Variants in SLC4A1 observed in about 807,000 individuals in gnomAD.
The protein encoded by SLC4A1 is band 3 anion transport protein.
Under a neutral mutation model 93.1 loss-of-function variants are expected in SLC4A1, and 29 were observed. That is an observed-to-expected ratio of 0.31 (90% CI 0.23 to 0.42). The LOEUF (loss-of-function observed/expected upper bound fraction) is 0.42, where lower values mean the gene tolerates loss of function less well. SLC4A1 is among the 20% of genes least tolerant of loss of function. The pLI is 1.00. For missense variants in SLC4A1, 965 were observed against 1,190.1 expected (o/e 0.81, Z 2.78); for synonymous variants, 469 against 497.2 (o/e 0.94, Z 0.76).
rs1567833178 is a variant in SLC4A1, at chr17:44,258,630, G to GC, written c.877-8dup. The GC allele has an allele frequency of 3.2e-6, 5 of 1,580,110 alleles. No homozygotes were observed. The stretch of plus-strand genomic sequence containing the variant: ...AGGCATCTATGCGGAACACCTAGGG[G>GC]CAGGAGACAGGGTCAGAGCTGCCCG... On this transcript the variant is annotated splice_polypyrimidine_tract_variant and splice_region_variant and intron_variant, in intron 9 of 19. Coordinates refer to ENST00000262418, the MANE Select transcript of SLC4A1 (RefSeq NM_000342.4). This position sits in a 1 kb window ranked among gnomAD's most constrained non-coding sequence, Gnocchi z 6.1.
chr17:44,251,257 T>G lies in SLC4A1; in HGVS notation c.2557A>C (p.Thr853Pro). 1 of 1,614,190 alleles carries G rather than the reference T, an allele frequency of 6.2e-7. No individual in the cohort carries two copies. Among genetic ancestry groups the G allele is most frequent in the Non-Finnish European group, 8.5e-7 (1 of 1,180,030 alleles). The stretch of plus-strand genomic sequence containing the variant: ...AAGGGCAGGGCCAGGGAGGCCGGCG[T>G]GGACTTCACCACCCACAGCACTGCC... ...CLAVLWVVKS[T>P]PASLALPFVL... The change falls in exon 19 of 20, where the codon ACG becomes CCG. Residue 853 changes from threonine to proline, a missense_variant. Transcript: ENST00000262418.
At chr17:44,261,718 C>T (rs2047446803) in intron 3 of SLC4A1, 82 bp from the exon 4 acceptor site, 6 of 1,611,948 alleles carry the variant, frequency 3.7e-6, no homozygotes, top group Non-Finnish European at 1.7e-6. Context: ...CCTCAGAGAC[C>T]CAGGCATGGG....
At chr17:44,252,326 C>T (rs576259209) in intron 17 of SLC4A1, among the ~76,000 whole-genome samples, 21 of 152,180 alleles carry the variant, frequency 1.4e-4, no homozygotes, top group African/African-American at 4.6e-4. Context: ...CCACAACCCC[C>T]GGCCTCTATC....
At position 44,262,499 on chromosome 17, in the gene SLC4A1, A is replaced by G. The variant is rs1349201828; in HGVS notation, c.106+137T>C. 6 of 674,776 alleles carry G rather than the reference A, an allele frequency of 8.9e-6. No homozygotes were observed. In the East Asian group the frequency reaches 1.1e-4, roughly 12 times the overall value. The allele number at this position is 674,776 out of a possible 1,614,324, so 41.8% of individuals were successfully genotyped here. The stretch of plus-strand genomic sequence containing the variant: ...CAAACAAAGCTCTGTTTATCCTTCA[A>G]TCAGCCAGAATTGAGGGGAGAACGG... On this transcript the variant is annotated intron_variant, in intron 3 of 19. Transcript: ENST00000262418.
At chr17:44,263,276 T>C (rs1434008304) in intron 1 of SLC4A1, among the ~76,000 whole-genome samples, 1 of 152,172 alleles carries the variant, frequency 6.6e-6, no homozygotes, top group Non-Finnish European at 1.5e-5. Context: ...GGGACTCAGC[T>C]AATACCAGGG....
At chr17:44,254,728 G>A (rs2047373383) in intron 15 of SLC4A1, 66 bp from the exon 16 acceptor site, 12 of 1,521,068 alleles carry the variant, frequency 7.9e-6, no homozygotes, top group Non-Finnish European at 1.0e-5. Context: ...GGAGCAGGAG[G>A]AGCCAGGGTC....
chr17:44,250,596 T>G, intron 19 of SLC4A1, 58 bp from the exon 20 acceptor site: 1 of 1,423,542 alleles, frequency 7.0e-7, no homozygotes. Context: ...AGAAGAGCCC[T>G]CCCCGGGCAC....
At chr17:44,254,461 A>ACCCACCCCGGCCCCCCCCCCC in intron 16 of SLC4A1, 35 bp downstream of exon 16, 1 of 654,150 alleles carries the variant, frequency 1.5e-6, no homozygotes, top group East Asian at 3.9e-5. Flanking sequence ...CCTGCCTCCC[A>ACCCACCCCGGCCCCCCCCCCC]CCCTCCCAGG....
Position 44,255,124 on chromosome 17 carries a change from C to G in SLC4A1, c.1890+83G>C, listed in dbSNP as rs867710789. 32 of 966,576 alleles carry G rather than the reference C, an allele frequency of 3.3e-5. 1 individual carries two copies. The Middle Eastern group carries it at 6.1e-4, about 18-fold the overall frequency. The allele number at this position is 966,576 out of a possible 1,614,324, so 59.9% of individuals were successfully genotyped here. On this transcript the variant is annotated intron_variant, in intron 15 of 19. Coordinates refer to ENST00000262418, the MANE Select transcript of SLC4A1 (RefSeq NM_000342.4). ...CCAGCTGGCTTCAGGTTGGGGAAAG[C>G]TATTCTAGGGAAGGGGCATGCTGGG...
At chr17:44,267,012 A>G (rs1406427790) in intron 1 of SLC4A1, among the ~76,000 whole-genome samples, 1 of 152,154 alleles carries the variant, frequency 6.6e-6, no homozygotes, top group African/African-American at 2.4e-5. Flanking sequence ...TGGGGATTCT[A>G]AGAGGAAGAA....
chr17:44,252,090 C>G (rs765510186), intron 17 of SLC4A1, among the ~76,000 whole-genome samples: 54 of 124,274 alleles, frequency 4.3e-4, no homozygotes, highest in Non-Finnish European at 7.6e-4. Flanking sequence ...GAGTCTCACT[C>G]TGTTGCCCAG....
intron 6 of SLC4A1, 118 bp downstream of exon 6, chr17:44,260,286 G>T: frequency 7.8e-7 from 1 of 1,285,816 alleles, no homozygotes; most frequent in Non-Finnish European, 1.1e-6. Context: ...GTGGAGGAAA[G>T]TGGGCCCCTG....
intron 6 of SLC4A1, 90 bp from the exon 7 acceptor site, chr17:44,260,022 TG>T (rs2047428857): frequency 3.3e-6 from 5 of 1,528,726 alleles, no homozygotes; most frequent in Non-Finnish European, 1.8e-6. Flanking sequence ...ATCAAGGGAC[TG>T]GGGTAGACAT....
intron 16 of SLC4A1, 127 bp downstream of exon 16, chr17:44,254,369 A>T: frequency 2.4e-6 from 2 of 823,954 alleles, no homozygotes; most frequent in Non-Finnish European, 4.1e-6. Context: ...TATTCCTGCT[A>T]GTCGGGAGGG....
intron 17 of SLC4A1, 132 bp from the exon 18 acceptor site, chr17:44,251,720 C>CTTTT (rs67064853): frequency 1.4e-3 from 544 of 392,494 alleles, no homozygotes; most frequent in African/African-American, 3.4e-3. Context: ...CTTTTCTTTT[C>CTTTT]TTTTTTTTTT....
chr17:44,258,645 A>G lies in SLC4A1; in HGVS notation c.877-22T>C. ...ACACCTAGGGGCAGGAGACAGGGTC[A>G]GAGCTGCCCGGACCTGCGGAGGGAA... is the stretch of plus-strand genomic sequence containing the variant. On this transcript the variant is annotated intron_variant, in intron 9 of 19. Transcript: ENST00000262418. This position sits in a 1 kb window ranked among gnomAD's most constrained non-coding sequence, Gnocchi z 6.1. 1 of 1,564,360 alleles carries G rather than the reference A, an allele frequency of 6.4e-7. No homozygotes were observed. Among genetic ancestry groups the G allele is most frequent in the Non-Finnish European group, 8.7e-7 (1 of 1,155,566 alleles).
At chr17:44,262,517 G>A in intron 3 of SLC4A1, 119 bp downstream of exon 3, 3 of 729,562 alleles carry the variant, frequency 4.1e-6, no homozygotes, top group Non-Finnish European at 7.1e-6. Context: ...GAATTGAGGG[G>A]AGAACGGCCC....
chr17:44,263,570 G>A (rs1259666706), intron 1 of SLC4A1, among the ~76,000 whole-genome samples: 2 of 151,818 alleles, frequency 1.3e-5, no homozygotes, highest in Admixed American at 1.3e-4. Flanking sequence ...CCATATCCCG[G>A]ACACCCTCCC....
At position 44,259,203 on chromosome 17, in the gene SLC4A1, G is replaced by A; in HGVS notation, c.836C>T (p.Thr279Ile). Residue 279 changes from threonine (T) to isoleucine (I), a missense_variant, in exon 9 of 20, where the codon ACC becomes ATC. By Grantham distance (89) the Thr-to-Ile change is moderately conservative (BLOSUM62 -1). Around this residue, in one of 2 missense-constraint regions of SLC4A1, gnomAD observed 770 missense variants for 1,006.6 expected, o/e 0.76. Coordinates refer to ENST00000262418, the MANE Select transcript of SLC4A1 (RefSeq NM_000342.4). ...GGTGGCAGCAGCCCGGCCAAGCTGG[G>A]TGTAATCGATGTGGGGGGCCTCAGG... Reference protein sequence around the residue: ...LGPEAPHIDYTQLGRAAATLM... With the variant: ...LGPEAPHIDYIQLGRAAATLM... The A allele has an allele frequency of 2.5e-6, 4 of 1,614,050 alleles. No individual in the cohort carries two copies. The highest frequency in any genetic ancestry group is 3.4e-6 in the Non-Finnish European group (4 of 1,180,042).
Sources: gnomAD v4.1 joint callset for allele counts (sites outside exome capture counted in the v4.1 genomes callset) on GRCh38, gnomAD v4.1.1 for gene constraint, gnomAD v4.1.1 regional missense constraint, Gnocchi (gnomAD v3.1) non-coding constraint, MANE v1.5 for transcripts, NCBI Gene and HGNC (gene_info 2026-07-23, HGNC 2026-07-21) for gene names.